The following HCFC2 variants were observed in gnomAD, a reference collection of about 807,000 sequenced individuals.
HCFC2 encodes the protein host cell factor C2.
A neutral mutation model predicts 89.2 loss-of-function variants in HCFC2; 18 were observed. The observed-to-expected ratio is 0.20, with a 90% confidence interval of 0.14 to 0.30. The LOEUF (loss-of-function observed/expected upper bound fraction) is 0.30. HCFC2 is among the 10% of genes least tolerant of loss of function. HCFC2 has a pLI of 1.00. For missense variants in HCFC2, 578 were observed against 956.1 expected, an observed-to-expected ratio of 0.60 and a Z score of 5.21; for synonymous variants, 308 against 335.7, an observed-to-expected ratio of 0.92 and a Z score of 0.90.
intron 9 of HCFC2, 25 bp downstream of exon 9, chr12:104,088,063 A>G (rs1182688622): frequency 1.3e-6 from 2 of 1,535,902 alleles, no homozygotes; most frequent in Non-Finnish European, 1.8e-6. Context: ...GTATGAAGGT[A>G]ATTGGATGTT....
At chr12:104,089,211 A>G (rs1883954075) in intron 9 of HCFC2, among the ~76,000 whole-genome samples, 1 of 152,176 alleles carries the variant, frequency 6.6e-6, no homozygotes, top group Non-Finnish European at 1.5e-5. Flanking sequence ...GACCAACTGT[A>G]TTTATTAAAA....
chr12:104,074,906 T>C (rs1883447795), intron 3 of HCFC2, among the ~76,000 whole-genome samples: 1 of 152,180 alleles, frequency 6.6e-6, no homozygotes, highest in Non-Finnish European at 1.5e-5. Context: ...TAGAAGAAAT[T>C]TTCCATATTT....
chr12:104,079,772 C>T (rs1883623470), intron 4 of HCFC2, 119 bp downstream of exon 4: 6 of 744,898 alleles, frequency 8.1e-6, no homozygotes, highest in Non-Finnish European at 1.4e-5. Context: ...CTTGTAGCCC[C>T]AGGGACAGTG....
chr12:104,096,498 A>G, intron 12 of HCFC2, 65 bp downstream of exon 12: 1 of 1,068,026 alleles, frequency 9.4e-7, no homozygotes, highest in Non-Finnish European at 1.4e-6. Context: ...ATGCTGAGCA[A>G]CTTCTAAATA....
intron 3 of HCFC2, among the ~76,000 whole-genome samples, chr12:104,077,901 T>G (rs1883556496): frequency 6.6e-6 from 1 of 152,210 alleles, no homozygotes; most frequent in African/African-American, 2.4e-5. Context: ...AGTGGTTATT[T>G]AGATCTCATA....
chr12:104,076,800 C>T (rs1883507602), intron 3 of HCFC2, among the ~76,000 whole-genome samples: 1 of 152,176 alleles, frequency 6.6e-6, no homozygotes, highest in South Asian at 2.1e-4. Flanking sequence ...ATTCCTGCCC[C>T]CACCACCAAC....
intron 7 of HCFC2, among the ~76,000 whole-genome samples, chr12:104,085,562 A>G (rs1396003355): frequency 1.3e-5 from 2 of 152,194 alleles, no homozygotes; most frequent in Non-Finnish European, 2.9e-5. Flanking sequence ...GTTTTTCTAT[A>G]AACCTTTTCA....
chr12:104,074,876 AACTT>A (rs1341934983), intron 3 of HCFC2, among the ~76,000 whole-genome samples: 2 of 152,210 alleles, frequency 1.3e-5, no homozygotes, highest in African/African-American at 4.8e-5. Context: ...ATATTTAAAT[AACTT>A]AATTCCTTGA....
intron 9 of HCFC2, among the ~76,000 whole-genome samples, chr12:104,092,919 G>A (rs1175976515): frequency 6.6e-6 from 1 of 152,184 alleles, no homozygotes; most frequent in Non-Finnish European, 1.5e-5. Flanking sequence ...GTATATGTAT[G>A]AAATCTTTAT....
At chr12:104,066,445 GTAAAC>G in intron 2 of HCFC2, 130 bp downstream of exon 2, 1 of 533,934 alleles carries the variant, frequency 1.9e-6, no homozygotes, top group Non-Finnish European at 3.0e-6. Flanking sequence ...TATTATTCAA[GTAAAC>G]TATTATTCAA....
At chr12:104,085,638 T>A (rs939798490) in intron 7 of HCFC2, among the ~76,000 whole-genome samples, 1 of 152,120 alleles carries the variant, frequency 6.6e-6, no homozygotes, top group African/African-American at 2.4e-5. Flanking sequence ...GGGCAAAATA[T>A]AGATTTTGCT....
At position 104,067,933 on chromosome 12, in the gene HCFC2, C is replaced by CA. The variant is rs780934670; in HGVS notation, c.313-14_313-13insA. On this transcript the variant is annotated splice_polypyrimidine_tract_variant and intron_variant, in intron 2 of 14. Coordinates refer to ENST00000229330, the MANE Select transcript of HCFC2 (RefSeq NM_013320.3). Reference sequence around the variant, plus strand: ...GATTTTGTCTGACTGTATTTGTGCCCTTTTTTTTTTTAGGCAAGTCGTTGG... The same window carrying CA: ...GATTTTGTCTGACTGTATTTGTGCCCATTTTTTTTTTTAGGCAAGTCGTTGG... 1.9e-5 allele frequency: 22 copies of CA among 1,185,164 alleles called. No individual in the cohort carries two copies. The highest frequency in any genetic ancestry group is 3.0e-5 in the East Asian group (1 of 33,822). The allele number at this position is 1,185,164 out of a possible 1,614,324, so 73.4% of individuals were successfully genotyped here.
At chr12:104,094,302 T>C (rs1884114380) in intron 10 of HCFC2, among the ~76,000 whole-genome samples, 1 of 152,210 alleles carries the variant, frequency 6.6e-6, no homozygotes, top group South Asian at 2.1e-4. Context: ...AAGGATCTTG[T>C]TGACTTGTTC....
chr12:104,072,923 T>G (rs905945133), intron 3 of HCFC2, among the ~76,000 whole-genome samples: 3 of 151,026 alleles, frequency 2.0e-5, no homozygotes, highest in Non-Finnish European at 3.0e-5. Flanking sequence ...GGATTACAGG[T>G]GTGAGCCACC....
At chr12:104,076,741 A>G (rs1432454309) in intron 3 of HCFC2, among the ~76,000 whole-genome samples, 3 of 145,956 alleles carry the variant, frequency 2.1e-5, no homozygotes, top group Admixed American at 6.8e-5. Context: ...TTGTCTTATA[A>G]TAGGGCAGTT....
intron 9 of HCFC2, among the ~76,000 whole-genome samples, chr12:104,089,909 G>A (rs1883976012): frequency 1.3e-5 from 2 of 152,038 alleles, no homozygotes; most frequent in African/African-American, 2.4e-5. Flanking sequence ...GGACATAAAG[G>A]TAGTTTCTTT....
At chr12:104,073,036 T>G (rs1883377461) in intron 3 of HCFC2, among the ~76,000 whole-genome samples, 1 of 152,164 alleles carries the variant, frequency 6.6e-6, no homozygotes, top group African/African-American at 2.4e-5. Context: ...TCCTGTGACC[T>G]TGTTGAATTC....
chr12:104,083,235 GT>G (rs1883737941), intron 7 of HCFC2, among the ~76,000 whole-genome samples: 1 of 152,176 alleles, frequency 6.6e-6, no homozygotes, highest in Non-Finnish European at 1.5e-5. Context: ...AATATCACTA[GT>G]GATAAGTTAG....
At chr12:104,102,228 T>C in intron 14 of HCFC2, 75 bp downstream of exon 14, 1 of 1,294,034 alleles carries the variant, frequency 7.7e-7, no homozygotes, top group Non-Finnish European at 1.1e-6. Context: ...ACTGTCAGTT[T>C]AGAAATTCTT....
Sources: gnomAD v4.1 joint callset for allele counts (sites outside exome capture counted in the v4.1 genomes callset) on GRCh38, gnomAD v4.1.1 for gene constraint, MANE v1.5 for transcripts, NCBI Gene and HGNC (gene_info 2026-07-23, HGNC 2026-07-21) for gene names.